SFRP1: variants seen among roughly 807,000 people sequenced by gnomAD.
The protein encoded by SFRP1 is secreted frizzled related protein 1.
SFRP1 carries 9 observed loss-of-function variants against 25.9 expected under a neutral mutation model. The observed-to-expected ratio is 0.35, with a 90% CI of 0.21 to 0.61. The LOEUF (loss-of-function observed/expected upper bound fraction) is 0.61. SFRP1 is among the 20% of genes least tolerant of loss of function. SFRP1 has a pLI of 0.78. For missense variants in SFRP1, 346 were observed against 418.2 expected (o/e 0.83, Z 1.51); for synonymous variants, 178 against 174.0 (o/e 1.02, Z -0.18).
intron 2 of SFRP1, among the ~76,000 whole-genome samples, chr8:41,302,546 G>C (rs1803936482): frequency 6.6e-6 from 1 of 152,228 alleles, no homozygotes; most frequent in South Asian, 2.1e-4. Flanking sequence ...CAGGAATTAT[G>C]AGAAACACGT....
At chr8:41,265,555 CT>C (rs1563357188) in intron 2 of SFRP1, 66 bp from the exon 3 acceptor site, 7 of 1,171,250 alleles carry the variant, frequency 6.0e-6, no homozygotes, top group African/African-American at 1.5e-5. Context: ...CACAGCTTTT[CT>C]TTTTTTGATC....
chr8:41,278,161 C>G (rs1039746930), intron 2 of SFRP1, among the ~76,000 whole-genome samples: 5 of 152,196 alleles, frequency 3.3e-5, no homozygotes, highest in African/African-American at 1.2e-4. Flanking sequence ...TGGCACAGGC[C>G]TGTCCAAGAC....
intron 2 of SFRP1, among the ~76,000 whole-genome samples, chr8:41,284,327 C>G (rs1005127082): frequency 1.3e-5 from 2 of 149,930 alleles, no homozygotes; most frequent in African/African-American, 4.9e-5. Flanking sequence ...CTGGGACACA[C>G]CAGGGCCCGG....
At chr8:41,289,076 GT>G (rs1005155175) in intron 2 of SFRP1, among the ~76,000 whole-genome samples, 6 of 152,168 alleles carry the variant, frequency 3.9e-5, no homozygotes, top group African/African-American at 1.4e-4. Flanking sequence ...GTCCAACTCA[GT>G]TTTCATCTGC....
At chr8:41,296,246 G>A (rs981271364) in intron 2 of SFRP1, among the ~76,000 whole-genome samples, 1 of 152,204 alleles carries the variant, frequency 6.6e-6, no homozygotes, top group African/African-American at 2.4e-5. Flanking sequence ...TTTGCAACCT[G>A]CCAGTTAGTA....
chr8:41,303,052 TAAAA>T lies in SFRP1; in HGVS notation c.622+405_622+408del, dbSNP rs397891660. Among the ~76,000 whole-genome samples the T allele has an allele frequency of 4.9e-3, 491 of 101,174 alleles. 5 individuals carry two copies. Among genetic ancestry groups the T allele is most frequent in the African/African-American group, 0.017 (454 of 26,964 alleles). 66.4% of individuals were successfully genotyped at this position (101,174 alleles called of 152,430 possible). A position where few individuals can be genotyped will look rare whatever the true frequency, so the allele number is the denominator to read the frequency against. On this transcript the variant is annotated intron_variant, in intron 2 of 2. Transcript: ENST00000220772. ...CATGCTGACACCTAGGGGTAGATGT[TAAAA>T]AAAAAAAAAAAAAAAAAGAGCCAGT...
chr8:41,302,515 T>C (rs1803936063), intron 2 of SFRP1, among the ~76,000 whole-genome samples: 1 of 152,184 alleles, frequency 6.6e-6, no homozygotes, highest in Non-Finnish European at 1.5e-5. Context: ...CTGTAAGAAA[T>C]CCGATCTCAG....
chr8:41,307,898 G>A (rs1454778082), intron 1 of SFRP1, among the ~76,000 whole-genome samples: 1 of 152,190 alleles, frequency 6.6e-6, no homozygotes, highest in Non-Finnish European at 1.5e-5. Context: ...ATGAGCTGAG[G>A]ATTTGTGTAA....
intron 2 of SFRP1, among the ~76,000 whole-genome samples, chr8:41,287,328 C>T (rs762858699): frequency 3.3e-5 from 5 of 152,258 alleles, no homozygotes; most frequent in Non-Finnish European, 7.3e-5. Context: ...TTTCTCTCAC[C>T]TCACAGCTCC....
At chr8:41,277,289 C>T (rs562870041) in intron 2 of SFRP1, among the ~76,000 whole-genome samples, 2 of 149,310 alleles carry the variant, frequency 1.3e-5, no homozygotes, top group East Asian at 4.1e-4. Context: ...TAAAGTCCAT[C>T]ACTAGGATTG....
At position 41,265,898 on chromosome 8, in the gene SFRP1, C is replaced by T. The variant is rs145881861; in HGVS notation, c.623-409G>A. On this transcript the variant is annotated intron_variant, in intron 2 of 2. Transcript: ENST00000220772. ...AAACAGGCAGTTTTATCCATAAAAA[C>T]CAAGGTCTGTTAATCCCAGCACTTT... Among the ~76,000 whole-genome samples the T allele has an allele frequency of 1.2e-3, 185 of 152,212 alleles. No individual in the cohort carries two copies. The Middle Eastern group carries it at 0.02, about 17-fold the overall frequency.
chr8:41,266,602 A>ATT (rs77812012), intron 2 of SFRP1, among the ~76,000 whole-genome samples: 3 of 139,284 alleles, frequency 2.2e-5, no homozygotes, highest in Non-Finnish European at 4.7e-5. Context: ...TGCCTGGCTG[A>ATT]TTTTTTTTTT....
At chr8:41,293,676 A>G (rs1389926788) in intron 2 of SFRP1, among the ~76,000 whole-genome samples, 1 of 152,034 alleles carries the variant, frequency 6.6e-6, no homozygotes, top group Non-Finnish European at 1.5e-5. Flanking sequence ...GCACAAAGGC[A>G]TCTGAAGTTA....
At position 41,264,842 on chromosome 8, in the gene SFRP1, C is replaced by T; in HGVS notation, c.*325G>A. ...GCTGGCTCTCACTTTCCGCCCAATCCCCCTTTTTGTGTTTTAGTGGCTGTG... is the reference window on the plus strand; with the variant it reads ...GCTGGCTCTCACTTTCCGCCCAATCTCCCTTTTTGTGTTTTAGTGGCTGTG... On this transcript the variant is annotated 3_prime_UTR_variant, in exon 3 of 3. Coordinates refer to ENST00000220772, the MANE Select transcript of SFRP1 (RefSeq NM_003012.5). 1 of 266,432 alleles carries T rather than the reference C, an allele frequency of 3.8e-6. No individual in the cohort carries two copies. Among genetic ancestry groups the T allele is most frequent in the Non-Finnish European group, 7.0e-6 (1 of 142,070 alleles). 16.5% of individuals were successfully genotyped at this position (266,432 alleles called of 1,614,324 possible).
chr8:41,290,334 T>C (rs1803760246), intron 2 of SFRP1, among the ~76,000 whole-genome samples: 1 of 152,188 alleles, frequency 6.6e-6, no homozygotes, highest in South Asian at 2.1e-4. Flanking sequence ...TCAGGGAAGC[T>C]CCAGACACCT....
At chr8:41,293,800 G>A (rs553287073) in intron 2 of SFRP1, among the ~76,000 whole-genome samples, 2 of 152,240 alleles carry the variant, frequency 1.3e-5, no homozygotes, top group East Asian at 3.9e-4. Flanking sequence ...ACAAGGTCTT[G>A]CCCTGTCTCA....
intron 2 of SFRP1, among the ~76,000 whole-genome samples, chr8:41,284,028 C>T (rs1311439699): frequency 6.6e-6 from 1 of 152,192 alleles, no homozygotes; most frequent in Non-Finnish European, 1.5e-5. Flanking sequence ...ACAGCTCCCA[C>T]CAGCATTACC....
chr8:41,286,343 C>T (rs1014839052), intron 2 of SFRP1, among the ~76,000 whole-genome samples: 3 of 152,216 alleles, frequency 2.0e-5, no homozygotes. Flanking sequence ...AGGGGCGGTT[C>T]CCGCTCAACC....
chr8:41,271,357 G>A (rs1186360141), intron 2 of SFRP1: 1 of 152,966 alleles, frequency 6.5e-6, no homozygotes, highest in Non-Finnish European at 1.5e-5. Flanking sequence ...GGAATTCAGA[G>A]ATAACAGAGA....
Sources: allele counts gnomAD v4.1 joint callset (sites outside exome capture counted in the v4.1 genomes callset), GRCh38; gene constraint gnomAD v4.1.1; transcripts MANE v1.5; gene names NCBI Gene and HGNC (gene_info 2026-07-23, HGNC 2026-07-21).